Variants in PSD3 observed in about 807,000 individuals in gnomAD.
PSD3 encodes the protein PH and SEC7 domain-containing protein 3.
A neutral mutation model predicts 105.5 loss-of-function variants in PSD3; 49 were observed. The observed-to-expected ratio is 0.46, with a 90% CI of 0.37 to 0.59. The LOEUF is 0.59. Among genes scored for constraint, PSD3 ranks in the 20% least tolerant of loss-of-function variants. The pLI is 0.00. For synonymous variants in PSD3, 557 were observed against 457.8 expected (o/e 1.22, Z -2.77); for missense variants, 1,561 against 1,263.8 (o/e 1.24, Z -3.57).
chr8:18,658,561 C>T (rs1401227932), intron 9 of PSD3, among the ~76,000 whole-genome samples: 2 of 145,518 alleles, frequency 1.4e-5, no homozygotes, highest in Non-Finnish European at 3.0e-5. Flanking sequence ...CTTGCTTGGT[C>T]ACCCGGGCTG....
chr8:18,632,770 A>T lies in PSD3; in HGVS notation c.2253T>A (p.Ser751Arg), dbSNP rs1314379673. Reference protein sequence around the residue: ...DEEKKKSPSESTEEKANGTHP... With the variant: ...DEEKKKSPSERTEEKANGTHP... ...GTGTTCCGTTAGCTTTCTCCTCAGT[A>T]CTTTCTGAGGGAGACTTTTTTTTCT... Residue 751 changes from serine (S) to arginine (R), a missense_variant, in exon 11 of 16, where the codon AGT becomes AGA. Coordinates refer to ENST00000327040, the MANE Select transcript of PSD3 (RefSeq NM_015310.4). 2 of 1,602,172 alleles carry T rather than the reference A, an allele frequency of 1.2e-6. No homozygotes were observed. Among genetic ancestry groups the T allele is most frequent in the African/African-American group, 2.7e-5 (2 of 74,496 alleles).
rs924650519 is a variant in PSD3 at position 18,632,477 on chromosome 8, G to A, written c.2410+136C>T. The A allele has an allele frequency of 7.6e-6, 7 of 919,114 alleles. No homozygotes were observed. In the Admixed American group the frequency reaches 2.1e-4, roughly 28 times the overall value. The allele number at this position is 919,114 out of a possible 1,614,324, so 56.9% of individuals were successfully genotyped here. The stretch of plus-strand genomic sequence containing the variant: ...ATTGGATTTTTAATTTAGGGTTAGA[G>A]GCTTTATCCAATTTCAAGAATGTGT... On this transcript the variant is annotated intron_variant, in intron 11 of 15. Transcript: ENST00000327040.
intron 1 of PSD3, among the ~76,000 whole-genome samples, chr8:18,965,127 C>T (rs974882275): frequency 1.3e-5 from 2 of 152,166 alleles, no homozygotes; most frequent in African/African-American, 4.8e-5. Context: ...AATTATATTT[C>T]TCCCATCTCA....
chr8:18,594,242 T>TA (rs1563358631), intron 12 of PSD3, among the ~76,000 whole-genome samples: 2 of 7,162 alleles, frequency 2.8e-4, no homozygotes, highest in African/African-American at 4.3e-4. Flanking sequence ...ATATATATTA[T>TA]TATATATATT....
At chr8:18,991,938 C>G (rs955084829) in intron 1 of PSD3, among the ~76,000 whole-genome samples, 1 of 152,184 alleles carries the variant, frequency 6.6e-6, no homozygotes, top group African/African-American at 2.4e-5. Context: ...AACACTCCTA[C>G]GTAACAAGTT....
At chr8:19,036,969 C>T (rs1476436675) in intron 1 of PSD3, among the ~76,000 whole-genome samples, 2 of 152,284 alleles carry the variant, frequency 1.3e-5, no homozygotes, top group East Asian at 1.9e-4. Context: ...CCCTTTCAGC[C>T]GTGTCTTATT....
chr8:18,698,433 C>G (rs1801385841), intron 9 of PSD3, among the ~76,000 whole-genome samples: 1 of 151,978 alleles, frequency 6.6e-6, no homozygotes, highest in African/African-American at 2.4e-5. Flanking sequence ...AGCGTTCTTA[C>G]AAAAGAGGTT....
intron 2 of PSD3, among the ~76,000 whole-genome samples, chr8:18,921,949 A>G (rs919781818): frequency 1.4e-4 from 21 of 152,198 alleles, no homozygotes; most frequent in Admixed American, 1.3e-3. Flanking sequence ...TCAAGTCTGG[A>G]TTTTTACATG....
At chr8:18,793,748 A>G (rs1214844367) in intron 8 of PSD3, among the ~76,000 whole-genome samples, 1 of 152,220 alleles carries the variant, frequency 6.6e-6, no homozygotes, top group African/African-American at 2.4e-5. Context: ...GCACAGACAG[A>G]AGAGGTATCC....
intron 1 of PSD3, among the ~76,000 whole-genome samples, chr8:18,958,443 T>C (rs966433206): frequency 6.6e-6 from 1 of 152,226 alleles, no homozygotes; most frequent in Non-Finnish European, 1.5e-5. Flanking sequence ...GGAATATCTA[T>C]TTATTTACTT....
chr8:18,735,418 C>T (rs760437222), intron 9 of PSD3, among the ~76,000 whole-genome samples: 8 of 152,076 alleles, frequency 5.3e-5, no homozygotes, highest in African/African-American at 1.2e-4. Context: ...GGCGAATGGA[C>T]GATAAACGTA....
intron 14 of PSD3, chr8:18,557,430 G>A (rs191925175): frequency 6.5e-6 from 1 of 153,422 alleles, no homozygotes; most frequent in Non-Finnish European, 1.5e-5. Flanking sequence ...AGAAGAAAAC[G>A]TGTCCAGAAA....
At chr8:19,012,125 T>G (rs1826979156) in intron 1 of PSD3, among the ~76,000 whole-genome samples, 1 of 152,188 alleles carries the variant, frequency 6.6e-6, no homozygotes, top group African/African-American at 2.4e-5. Context: ...CTAAGCTAGG[T>G]GTCCTACCTA....
intron 9 of PSD3, among the ~76,000 whole-genome samples, chr8:18,748,496 TA>T (rs1188988228): frequency 3.3e-5 from 5 of 151,616 alleles, no homozygotes; most frequent in Admixed American, 1.3e-4. Context: ...CCATCTCTAC[TA>T]AAAATACAAA....
intron 12 of PSD3, among the ~76,000 whole-genome samples, chr8:18,587,465 C>A (rs1263825012): frequency 6.6e-6 from 1 of 152,148 alleles, no homozygotes; most frequent in East Asian, 1.9e-4. Flanking sequence ...CCCCCTCCAG[C>A]CTATAATGCA....
intron 1 of PSD3, among the ~76,000 whole-genome samples, chr8:19,001,413 C>T (rs1422752126): frequency 6.6e-6 from 1 of 150,720 alleles, no homozygotes; most frequent in East Asian, 1.9e-4. Flanking sequence ...CACAGTTTCC[C>T]CCATTATTAT....
At chr8:18,749,438 C>G (rs28447980) in intron 9 of PSD3, among the ~76,000 whole-genome samples, 1 of 152,128 alleles carries the variant, frequency 6.6e-6, no homozygotes, top group Non-Finnish European at 1.5e-5. Context: ...TACGTAATTC[C>G]GCATTTATGC....
At chr8:18,896,814 T>G (rs958686194) in intron 2 of PSD3, among the ~76,000 whole-genome samples, 1 of 138,172 alleles carries the variant, frequency 7.2e-6, no homozygotes, top group African/African-American at 2.5e-5. Context: ...TCTTTTTTTG[T>G]TTTGTTTTGT....
intron 8 of PSD3, among the ~76,000 whole-genome samples, chr8:18,795,499 G>A (rs1233418065): frequency 1.3e-5 from 2 of 152,180 alleles, no homozygotes; most frequent in Admixed American, 6.5e-5. Context: ...TAAAAACAAT[G>A]CCCTGGCTAC....
Sources: allele counts gnomAD v4.1 joint callset (sites outside exome capture counted in the v4.1 genomes callset), GRCh38; gene constraint gnomAD v4.1.1; transcripts MANE v1.5; gene names NCBI Gene and HGNC (gene_info 2026-07-23, HGNC 2026-07-21).